ZMYND11: variants seen among roughly 807,000 people sequenced by gnomAD.
The protein encoded by ZMYND11 is zinc finger MYND domain-containing protein 11.
Under a neutral mutation model 84.9 loss-of-function variants are expected in ZMYND11, and 9 were observed. The ratio of observed to expected loss-of-function variants is 0.11; its 90% confidence interval spans 0.06 to 0.18. The LOEUF is 0.18. ZMYND11 is among the 10% of genes least tolerant of loss of function. The pLI is 1.00. For missense variants in ZMYND11, 409 were observed against 761.0 expected, an observed-to-expected ratio of 0.54 and a Z score of 5.44; for synonymous variants, 250 against 244.1, an observed-to-expected ratio of 1.02 and a Z score of -0.23.
chr10:184,360 TC>T, intron 2 of ZMYND11, among the ~76,000 whole-genome samples: 1 of 152,326 alleles, frequency 6.6e-6, no homozygotes, highest in South Asian at 2.1e-4. Context: ...GATCTTCTTT[TC>T]CTGTCTTCTG....
intron 2 of ZMYND11, among the ~76,000 whole-genome samples, chr10:192,852 G>T (rs1407311160): frequency 1.3e-5 from 2 of 152,142 alleles, no homozygotes; most frequent in Non-Finnish European, 2.9e-5. Context: ...GTGAGTCCCT[G>T]TTACTCTCTG....
At chr10:137,250 A>G (rs917699750) in intron 1 of ZMYND11, among the ~76,000 whole-genome samples, 1 of 151,982 alleles carries the variant, frequency 6.6e-6, no homozygotes, top group African/African-American at 2.4e-5. Flanking sequence ...CAGTGTGTAC[A>G]TGGTATCTGG....
chr10:202,225 A>G (rs1943314347), intron 2 of ZMYND11, among the ~76,000 whole-genome samples: 2 of 152,206 alleles, frequency 1.3e-5, no homozygotes, highest in African/African-American at 4.8e-5. Context: ...GTAGGATCAC[A>G]GTACTCCTCT....
chr10:138,217 C>T (rs1554752811), intron 1 of ZMYND11, among the ~76,000 whole-genome samples: 1 of 142,786 alleles, frequency 7.0e-6, no homozygotes, highest in Non-Finnish European at 1.5e-5. Flanking sequence ...TTAAGCGATT[C>T]TCATGCCTCA....
At chr10:202,233 T>G (rs1277643030) in intron 2 of ZMYND11, among the ~76,000 whole-genome samples, 2 of 152,200 alleles carry the variant, frequency 1.3e-5, no homozygotes, top group Non-Finnish European at 2.9e-5. Context: ...ACAGTACTCC[T>G]CTAGTTACTT....
rs898690846 is a variant in ZMYND11, at chr10:254,134, C to T, written c.*1664C>T. The T allele has an allele frequency of 6.6e-6, 1 of 152,620 alleles. No homozygotes were observed. The highest frequency in any genetic ancestry group is 2.1e-4 in the South Asian group (1 of 4,822). The allele number at this position is 152,620 out of a possible 1,614,324, so 9.5% of individuals were successfully genotyped here. On this transcript the variant is annotated 3_prime_UTR_variant, in exon 15 of 15. Coordinates refer to ENST00000381604, the MANE Select transcript of ZMYND11 (RefSeq NM_001370100.5). ...GTGGCGCTGATGGAGATGTCAGAAC[C>T]GAGAACACTTAACCTTCTTTGATTG...
chr10:246,564 C>G (rs745812279), intron 10 of ZMYND11, among the ~76,000 whole-genome samples: 1 of 152,146 alleles, frequency 6.6e-6, no homozygotes, highest in Non-Finnish European at 1.5e-5. Context: ...TTTATTTATT[C>G]AAGCCATGAC....
intron 3 of ZMYND11, among the ~76,000 whole-genome samples, chr10:217,965 A>C (rs1946477253): frequency 6.6e-6 from 1 of 152,162 alleles, no homozygotes; most frequent in African/African-American, 2.4e-5. Context: ...CTAGATTCTG[A>C]GGACAGCCTG....
At chr10:247,344 A>C in intron 11 of ZMYND11, 54 bp from the exon 12 acceptor site, 9 of 1,587,390 alleles carry the variant, frequency 5.7e-6, no homozygotes, top group Non-Finnish European at 7.8e-6. Flanking sequence ...TGTTTTCAGC[A>C]GAGAAGTATT....
rs148963596 is a variant in ZMYND11, at chr10:248,875, C to T, written c.1501-28C>T. On this transcript the variant is annotated intron_variant, in intron 13 of 14. Transcript: ENST00000381604. ...TGGTCTGTGTTAAGTTGTGTGCTGA[C>T]GCACTGTGGGTTGTCTTTTCATTCC... 1,020 of 1,582,926 alleles carry T rather than the reference C, an allele frequency of 6.4e-4. 5 individuals are homozygous for T. In the African/African-American group the frequency reaches 0.012, roughly 19 times the overall value.
At chr10:193,225 A>T (rs997374798) in intron 2 of ZMYND11, among the ~76,000 whole-genome samples, 6 of 152,136 alleles carry the variant, frequency 3.9e-5, no homozygotes, top group African/African-American at 1.2e-4. Context: ...GTAGGTAAGG[A>T]TCTACTTTAC....
At chr10:165,658 A>G (rs1843840186) in intron 1 of ZMYND11, among the ~76,000 whole-genome samples, 1 of 151,890 alleles carries the variant, frequency 6.6e-6, no homozygotes, top group Non-Finnish European at 1.5e-5. Flanking sequence ...TATCCTTGAC[A>G]CTCACCTCTC....
intron 2 of ZMYND11, among the ~76,000 whole-genome samples, chr10:186,500 G>A (rs371204237): frequency 6.6e-6 from 1 of 151,802 alleles, no homozygotes; most frequent in Non-Finnish European, 1.5e-5. Flanking sequence ...AATTAGCTAG[G>A]CATGGTGGCG....
chr10:185,362 G>GT (rs1349069333), intron 2 of ZMYND11, among the ~76,000 whole-genome samples: 1 of 151,774 alleles, frequency 6.6e-6, no homozygotes, highest in Non-Finnish European at 1.5e-5. Flanking sequence ...GTTGTACTGT[G>GT]TATGTTGTCC....
chr10:151,211 A>T (rs368948976), intron 1 of ZMYND11, among the ~76,000 whole-genome samples: 7 of 152,208 alleles, frequency 4.6e-5, no homozygotes, highest in African/African-American at 1.7e-4. Context: ...ACAAAGCTGG[A>T]TGGGAATGAC....
At chr10:238,510 C>T (rs1310780720) in intron 6 of ZMYND11, among the ~76,000 whole-genome samples, 1 of 152,112 alleles carries the variant, frequency 6.6e-6, no homozygotes, top group Admixed American at 6.5e-5. Flanking sequence ...GCGCCCGACA[C>T]CACGCCCACC....
At chr10:242,265 A>G in intron 10 of ZMYND11, 126 bp downstream of exon 10, 1 of 1,361,034 alleles carries the variant, frequency 7.3e-7, no homozygotes, top group South Asian at 1.4e-5. Flanking sequence ...CACATTATGC[A>G]TCCAAGAATA....
In ZMYND11 at chr10:187,588, T is replaced by C. The variant is rs556260941; in HGVS notation, c.116+7460T>C. On this transcript the variant is annotated intron_variant, in intron 2 of 14. Coordinates refer to ENST00000381604, the MANE Select transcript of ZMYND11 (RefSeq NM_001370100.5). ...GGCGGAGCTTGCAGTGAGCCGAGAT[T>C]GCGCCACTGCAATCCGGCCTGGGCT... Among the ~76,000 whole-genome samples, 8 of 150,780 alleles carry C rather than the reference T, an allele frequency of 5.3e-5. No homozygotes were observed. The South Asian group carries it at 1.0e-3, about 20-fold the overall frequency.
At chr10:232,252 A>G (rs913127428) in intron 4 of ZMYND11, among the ~76,000 whole-genome samples, 1 of 152,252 alleles carries the variant, frequency 6.6e-6, no homozygotes, top group Non-Finnish European at 1.5e-5. Context: ...TTCAGCGTGA[A>G]CGCCACAGAA....
Sources: gnomAD v4.1 joint callset for allele counts (sites outside exome capture counted in the v4.1 genomes callset) on GRCh38, gnomAD v4.1.1 for gene constraint, MANE v1.5 for transcripts, NCBI Gene and HGNC (gene_info 2026-07-23, HGNC 2026-07-21) for gene names.